CLVS1: variants seen among roughly 807,000 people sequenced by gnomAD.
The protein encoded by CLVS1 is clavesin-1.
CLVS1 carries 10 observed loss-of-function variants against 33.1 expected under a neutral mutation model. That is an observed-to-expected ratio of 0.30 (90% CI 0.19 to 0.51). The LOEUF is 0.51. CLVS1 is among the 20% of genes least tolerant of loss of function. The probability of loss-of-function intolerance (pLI) is 0.97; values close to 1 mark genes in which losing one functional copy is unlikely to be tolerated. For missense variants in CLVS1, 343 were observed against 433.4 expected, an observed-to-expected ratio of 0.79 and a Z score of 1.85; for synonymous variants, 163 against 166.1, an observed-to-expected ratio of 0.98 and a Z score of 0.14.
intron 3 of CLVS1, among the ~76,000 whole-genome samples, chr8:61,382,831 T>C (rs1199802402): frequency 7.9e-5 from 12 of 152,202 alleles, no homozygotes; most frequent in Admixed American, 7.9e-4. Flanking sequence ...GGCTTCAGTC[T>C]TGGCTATGCC....
At chr8:61,290,522 G>A (rs1809948098) in intron 1 of CLVS1, among the ~76,000 whole-genome samples, 1 of 152,192 alleles carries the variant, frequency 6.6e-6, no homozygotes, top group Non-Finnish European at 1.5e-5. Flanking sequence ...ACAGCTGGAA[G>A]GTCTTTCATT....
chr8:61,353,012 G>T (rs919292652), intron 2 of CLVS1, among the ~76,000 whole-genome samples: 3 of 151,980 alleles, frequency 2.0e-5, no homozygotes, highest in Non-Finnish European at 2.9e-5. Context: ...TGTGGATATT[G>T]AGAGATGACT....
At chr8:61,249,404 A>G (rs894046099) in intron 2 of CLVS1, among the ~76,000 whole-genome samples, 2 of 152,238 alleles carry the variant, frequency 1.3e-5, no homozygotes, top group African/African-American at 4.8e-5. Context: ...TCTTTATAGT[A>G]GAATGATTTA....
At chr8:61,442,256 G>C (rs565405779) in intron 3 of CLVS1, among the ~76,000 whole-genome samples, 1 of 152,272 alleles carries the variant, frequency 6.6e-6, no homozygotes, top group South Asian at 2.1e-4. Flanking sequence ...ATTCACCCAG[G>C]TTGTTGTAGA....
chr8:61,300,373 C>T (rs1015454357), intron 2 of CLVS1, 91 bp downstream of exon 2: 4 of 1,129,306 alleles, frequency 3.5e-6, no homozygotes, highest in Non-Finnish European at 5.0e-6. Flanking sequence ...ATGTAATGGG[C>T]TTTCATTAAA....
intron 3 of CLVS1, among the ~76,000 whole-genome samples, chr8:61,449,800 A>G (rs1233523685): frequency 6.6e-6 from 1 of 152,192 alleles, no homozygotes; most frequent in Admixed American, 6.6e-5. Flanking sequence ...CCTTGATCTC[A>G]GAGTCCCTAG....
chr8:61,485,974 C>A (rs1803865399), intron 5 of CLVS1, among the ~76,000 whole-genome samples: 1 of 152,092 alleles, frequency 6.6e-6, no homozygotes, highest in Admixed American at 6.5e-5. Flanking sequence ...GGAGGGATAG[C>A]ATTAGGAGTT....
intron 2 of CLVS1, among the ~76,000 whole-genome samples, chr8:61,311,981 A>C (rs947574443): frequency 1.3e-5 from 2 of 152,240 alleles, no homozygotes; most frequent in Non-Finnish European, 2.9e-5. Flanking sequence ...TGTATGCTAC[A>C]TTCACTGTTG....
At chr8:61,249,035 G>C (rs1333632445) in intron 2 of CLVS1, among the ~76,000 whole-genome samples, 1 of 152,060 alleles carries the variant, frequency 6.6e-6, no homozygotes, top group African/African-American at 2.4e-5. Flanking sequence ...ACCTACGTTA[G>C]ATATTTCTCC....
chr8:61,373,057 T>A (rs1286872037), intron 2 of CLVS1, among the ~76,000 whole-genome samples: 3 of 152,186 alleles, frequency 2.0e-5, no homozygotes, highest in African/African-American at 7.2e-5. Context: ...GCTCCATGTT[T>A]TTGAGGGTGG....
chr8:61,178,091 G>A (rs1472166068), intron 2 of CLVS1, among the ~76,000 whole-genome samples: 1 of 152,128 alleles, frequency 6.6e-6, no homozygotes, highest in African/African-American at 2.4e-5. Flanking sequence ...AAGAAGCTAA[G>A]AACCTTGATA....
intron 5 of CLVS1, among the ~76,000 whole-genome samples, chr8:61,490,074 G>C (rs1423813183): frequency 6.6e-6 from 1 of 152,202 alleles, no homozygotes; most frequent in African/African-American, 2.4e-5. Context: ...CCAGCACTTT[G>C]GGAGGCCAAG....
chr8:61,095,056 A>C (rs190960806), intron 1 of CLVS1, among the ~76,000 whole-genome samples: 24 of 152,296 alleles, frequency 1.6e-4, no homozygotes, highest in Admixed American at 1.1e-3. Context: ...ATTAGTTAAT[A>C]TTTGGGAAGG....
chr8:61,047,184 C>G, the CLVS1 span, among the ~76,000 whole-genome samples: 2 of 152,146 alleles, frequency 1.3e-5, no homozygotes, highest in Non-Finnish European at 2.9e-5. Context: ...GACATTTATG[C>G]AGCCAAAAAA....
intron 3 of CLVS1, among the ~76,000 whole-genome samples, chr8:61,436,774 C>T (rs1440784899): frequency 6.6e-6 from 1 of 152,176 alleles, no homozygotes; most frequent in Non-Finnish European, 1.5e-5. Flanking sequence ...TACAAGCTGA[C>T]AACTCCTGTA....
At chr8:61,109,200 C>T (rs1005553939) in intron 1 of CLVS1, among the ~76,000 whole-genome samples, 1 of 152,086 alleles carries the variant, frequency 6.6e-6, no homozygotes, top group East Asian at 1.9e-4. Context: ...CCAGTTACTT[C>T]TGTGTGCACT....
intron 2 of CLVS1, among the ~76,000 whole-genome samples, chr8:61,270,467 A>G (rs1809413642): frequency 6.6e-6 from 1 of 152,196 alleles, no homozygotes; most frequent in African/African-American, 2.4e-5. Flanking sequence ...ATATTGGTCT[A>G]AAATTCCCTT....
chr8:61,264,226 G>A (rs1023677779), intron 2 of CLVS1, among the ~76,000 whole-genome samples: 7 of 151,872 alleles, frequency 4.6e-5, no homozygotes, highest in African/African-American at 1.5e-4. Context: ...TCAATCCCAC[G>A]ATGTTAAATG....
the CLVS1 span, among the ~76,000 whole-genome samples, chr8:61,028,515 T>C: frequency 6.6e-6 from 1 of 152,328 alleles, no homozygotes; most frequent in South Asian, 2.1e-4. Flanking sequence ...TTGAGAGTAG[T>C]AGCAAATGCC....
Sources: allele counts gnomAD v4.1 joint callset (sites outside exome capture counted in the v4.1 genomes callset), GRCh38; gene constraint gnomAD v4.1.1; transcripts MANE v1.5; gene names NCBI Gene and HGNC (gene_info 2026-07-23, HGNC 2026-07-21).